Variants in RPTOR observed in about 807,000 individuals in gnomAD.
The protein encoded by RPTOR is regulatory-associated protein of mTOR.
In RPTOR, 21 loss-of-function variants were observed where a neutral mutation model predicts 169.9. The observed-to-expected ratio is 0.12, with a 90% CI of 0.09 to 0.18. RPTOR has a LOEUF of 0.18. Among genes scored for constraint, RPTOR ranks in the 10% least tolerant of loss-of-function variants. RPTOR has a pLI of 1.00. For missense variants in RPTOR, 1,133 were observed against 1,855.9 expected (o/e 0.61, Z 7.16); for synonymous variants, 732 against 753.2 (o/e 0.97, Z 0.46).
chr17:80,661,975 C>A (rs1424880597), intron 3 of RPTOR, among the ~76,000 whole-genome samples: 2 of 152,190 alleles, frequency 1.3e-5, no homozygotes, highest in African/African-American at 4.8e-5. Context: ...TATTTCATGT[C>A]TCTTTAAATC....
chr17:80,862,120 C>T (rs956880802), intron 13 of RPTOR, among the ~76,000 whole-genome samples: 6 of 152,158 alleles, frequency 3.9e-5, no homozygotes, highest in African/African-American at 1.4e-4. Flanking sequence ...GGGTCATCTG[C>T]TCAGTACTGC....
intron 5 of RPTOR, among the ~76,000 whole-genome samples, chr17:80,740,929 A>G (rs962784945): frequency 2.0e-5 from 3 of 152,242 alleles, no homozygotes; most frequent in East Asian, 1.9e-4. Context: ...GCAATAAGAC[A>G]AGAAAAAGAC....
At chr17:80,602,591 G>A (rs908820006) in intron 1 of RPTOR, 1 of 612,512 alleles carries the variant, frequency 1.6e-6, no homozygotes, top group Non-Finnish European at 3.1e-6. Flanking sequence ...TTTTGAACAT[G>A]GTAACAGGTA....
At chr17:80,912,799 C>G (rs141284554) in intron 21 of RPTOR, among the ~76,000 whole-genome samples, 1 of 152,158 alleles carries the variant, frequency 6.6e-6, no homozygotes, top group Non-Finnish European at 1.5e-5. Context: ...TCGTGCTATC[C>G]GATTGAGACC....
At chr17:80,736,087 G>A (rs190561027) in intron 5 of RPTOR, among the ~76,000 whole-genome samples, 70 of 152,040 alleles carry the variant, frequency 4.6e-4, no homozygotes, top group Admixed American at 1.5e-3. Context: ...TGGAAGGGTC[G>A]CTTGAGCTCA....
At chr17:80,865,892 A>G (rs1355241565) in intron 13 of RPTOR, among the ~76,000 whole-genome samples, 1 of 152,052 alleles carries the variant, frequency 6.6e-6, no homozygotes, top group Non-Finnish European at 1.5e-5. Flanking sequence ...GGCCAAATAA[A>G]CCTCAACAAA....
rs573765472 is a variant in RPTOR at position 80,549,401 on chromosome 17, T to C, written c.162+3610T>C. 1.6e-3 allele frequency among the ~76,000 whole-genome samples: 237 copies of C among 152,168 alleles called. 1 individual carries two copies. The highest frequency in any genetic ancestry group is 5.5e-3 in the African/African-American group (227 of 41,526). On this transcript the variant is annotated intron_variant, in intron 1 of 33. Coordinates refer to ENST00000306801, the MANE Select transcript of RPTOR (RefSeq NM_020761.3). ...TTTGGCTCACTGCAACCTCCGCCTC[T>C]TGGGTTCAAGCGATTCTCCTGCCGC...
chr17:80,781,844 G>A (rs1255272015), intron 6 of RPTOR, among the ~76,000 whole-genome samples: 6 of 152,212 alleles, frequency 3.9e-5, no homozygotes, highest in Admixed American at 3.9e-4. Context: ...GTTGCAGAAG[G>A]GGCTATGATT....
chr17:80,700,697 A>ATGGTAGAGATGGTGGTGG (rs2066086447), intron 3 of RPTOR, among the ~76,000 whole-genome samples: 4 of 23,032 alleles, frequency 1.7e-4, no homozygotes, highest in Admixed American at 5.4e-4. Context: ...GGTGATGGTG[A>ATGGTAGAGATGGTGGTGG]TGGTGGTGGT....
chr17:80,966,357 AAC>A lies in RPTOR; in HGVS notation c.*2030_*2031del, dbSNP rs2069432859. On this transcript the variant is annotated 3_prime_UTR_variant, in exon 34 of 34. Transcript: ENST00000306801. ...GAGCAGAGAGTGACCAACAGTAAACAACACGCGCAGACTCCGCGGCTGGCGGC... is the reference window on the plus strand; with the variant it reads ...GAGCAGAGAGTGACCAACAGTAAACAACGCGCAGACTCCGCGGCTGGCGGC... 4.4e-6 allele frequency: 1 copy of A among 226,462 alleles called. No individual in the cohort carries two copies. The highest frequency in any genetic ancestry group is 2.2e-5 in the African/African-American group (1 of 44,944). The allele number at this position is 226,462 out of a possible 1,614,324, so 14.0% of individuals were successfully genotyped here.
rs976224984 is a variant in RPTOR, at chr17:80,721,270, A to G, written c.508-9290A>G. Among the ~76,000 whole-genome samples, 1 of 151,306 alleles carries G rather than the reference A, an allele frequency of 6.6e-6. No individual in the cohort carries two copies. The highest frequency in any genetic ancestry group is 1.5e-5 in the Non-Finnish European group (1 of 68,024). ...GTAGGATGAAAGATGTCGTAGCAGC[A>G]CAGGCAGCACTGTGGAAACTGTTCT... is the stretch of plus-strand genomic sequence containing the variant. On this transcript the variant is annotated intron_variant, in intron 4 of 33. Transcript: ENST00000306801. This position sits in a 1 kb window ranked among gnomAD's most constrained non-coding sequence, Gnocchi z 4.7.
At chr17:80,584,575 C>T (rs1265549618) in intron 1 of RPTOR, among the ~76,000 whole-genome samples, 3 of 152,014 alleles carry the variant, frequency 2.0e-5, no homozygotes, top group Non-Finnish European at 4.4e-5. Flanking sequence ...CTCCGTTTAC[C>T]ATGTCTCAAT....
chr17:80,932,990 C>T (rs1462643607), intron 24 of RPTOR, among the ~76,000 whole-genome samples: 1 of 152,164 alleles, frequency 6.6e-6, no homozygotes, highest in Non-Finnish European at 1.5e-5. Context: ...AGAGATAGTC[C>T]AGTAATATCT....
chr17:80,773,741 C>A, intron 6 of RPTOR: 2 of 975,140 alleles, frequency 2.1e-6, no homozygotes, highest in East Asian at 1.1e-4. Context: ...CTTGGGCAGG[C>A]TGGTGGGACT....
chr17:80,663,772 T>C (rs2065742471), intron 3 of RPTOR, among the ~76,000 whole-genome samples: 1 of 152,034 alleles, frequency 6.6e-6, no homozygotes, highest in African/African-American at 2.4e-5. Context: ...CTTCCTGAGC[T>C]CACCCTGTCC....
chr17:80,931,700 G>A (rs191764138), intron 24 of RPTOR, among the ~76,000 whole-genome samples: 61 of 152,334 alleles, frequency 4.0e-4, no homozygotes, highest in East Asian at 1.2e-3. Flanking sequence ...GACCTGCCAC[G>A]TGTGGCACAC....
At chr17:80,891,672 C>A (rs1343873751) in intron 17 of RPTOR, 48 bp from the exon 18 acceptor site, 4 of 1,293,944 alleles carry the variant, frequency 3.1e-6, no homozygotes, top group African/African-American at 3.0e-5. Flanking sequence ...GCTCCACAAT[C>A]ATTTTCCAGC....
chr17:80,897,656 G>C (rs1358207531), intron 20 of RPTOR, among the ~76,000 whole-genome samples: 2 of 152,218 alleles, frequency 1.3e-5, no homozygotes, highest in Non-Finnish European at 2.9e-5. Context: ...CTCCCCATTG[G>C]CATTCACGAG....
intron 28 of RPTOR, among the ~76,000 whole-genome samples, chr17:80,952,858 T>C (rs1349624083): frequency 3.5e-4 from 3 of 8,498 alleles, no homozygotes; most frequent in Admixed American, 1.2e-3. Flanking sequence ...TTTTCTTCTT[T>C]TTTTTTTTTT....
Sources: allele counts gnomAD v4.1 joint callset (sites outside exome capture counted in the v4.1 genomes callset), GRCh38; gene constraint gnomAD v4.1.1; non-coding constraint Gnocchi (gnomAD v3.1); transcripts MANE v1.5; gene names NCBI Gene and HGNC (gene_info 2026-07-23, HGNC 2026-07-21).